The following WRN variants were observed in gnomAD, a reference collection of about 807,000 sequenced individuals.
WRN encodes bifunctional 3'-5' exonuclease/ATP-dependent helicase WRN.
Under a neutral mutation model 180.7 loss-of-function variants are expected in WRN, and 149 were observed. That is an observed-to-expected ratio of 0.82 (90% CI 0.72 to 0.94). The LOEUF is 0.94. Ranked by LOEUF, WRN falls within the 40% of genes least tolerant of loss-of-function variation. WRN has a pLI of 0.00. For missense variants in WRN, 1,661 were observed against 1,700.1 expected (o/e 0.98, Z 0.40); for synonymous variants, 548 against 568.9 (o/e 0.96, Z 0.52).
At chr8:31,110,729 C>T (rs912923021) in intron 18 of WRN, among the ~76,000 whole-genome samples, 4 of 151,942 alleles carry the variant, frequency 2.6e-5, no homozygotes, top group African/African-American at 4.8e-5. Context: ...GTATCTGTCA[C>T]GAGCCAAAAA....
intron 23 of WRN, among the ~76,000 whole-genome samples, chr8:31,131,160 C>CTTTCTTTTTTTTTTT (rs144507657): frequency 3.7e-5 from 4 of 106,840 alleles, no homozygotes; most frequent in South Asian, 3.1e-4. Flanking sequence ...TTGCAACTTT[C>CTTTCTTTTTTTTTTT]TTTTTTTTTG....
In WRN at chr8:31,125,105, A is replaced by G; in HGVS notation, c.2825+105A>G. The G allele has an allele frequency of 4.5e-6, 5 of 1,107,340 alleles. No homozygotes were observed. The South Asian group carries it at 5.4e-5, about 12-fold the overall frequency. The allele number at this position is 1,107,340 out of a possible 1,614,324, so 68.6% of individuals were successfully genotyped here. ...AATGATAAGTATTTCAGTTTTTTAA[A>G]CAAAACAATGAATGTGTTTAGATAT... is the stretch of plus-strand genomic sequence containing the variant. On this transcript the variant is annotated intron_variant, in intron 23 of 34. Coordinates refer to ENST00000298139, the MANE Select transcript of WRN (RefSeq NM_000553.6).
chr8:31,133,099 C>T (rs772117591), intron 24 of WRN, among the ~76,000 whole-genome samples: 1 of 152,028 alleles, frequency 6.6e-6, no homozygotes, highest in Non-Finnish European at 1.5e-5. Context: ...TTCTTCTAAA[C>T]AACCACGGGT....
At chr8:31,083,896 G>A in intron 10 of WRN, 117 bp downstream of exon 10, 1 of 1,093,028 alleles carries the variant, frequency 9.1e-7, no homozygotes, top group Non-Finnish European at 1.3e-6. Context: ...TACTAATTAT[G>A]TAACATTAGA....
At chr8:31,167,753 G>A (rs746558512) in intron 34 of WRN, among the ~76,000 whole-genome samples, 4 of 152,000 alleles carry the variant, frequency 2.6e-5, no homozygotes, top group Admixed American at 2.0e-4. Context: ...TAGATGGTAC[G>A]TTTTATTAAA....
At chr8:31,131,039 A>G (rs1316626534) in intron 23 of WRN, among the ~76,000 whole-genome samples, 1 of 152,172 alleles carries the variant, frequency 6.6e-6, no homozygotes, top group Non-Finnish European at 1.5e-5. Context: ...AAGAAAAGAA[A>G]AGCAATATGC....
intron 16 of WRN, 95 bp from the exon 17 acceptor site, chr8:31,096,673 A>G: frequency 9.9e-7 from 1 of 1,006,616 alleles, no homozygotes; most frequent in Non-Finnish European, 1.5e-6. Context: ...CTTGATTTTA[A>G]GTTGTAATTC....
chr8:31,096,660 T>A, intron 16 of WRN, 108 bp from the exon 17 acceptor site: 1 of 857,856 alleles, frequency 1.2e-6, no homozygotes, highest in Non-Finnish European at 1.8e-6. Flanking sequence ...TTTCATAAGG[T>A]ATCTTGATTT....
intron 24 of WRN, 35 bp from the exon 25 acceptor site, chr8:31,141,395 G>A (rs1195138623): frequency 6.2e-7 from 1 of 1,612,390 alleles, no homozygotes. Flanking sequence ...GTTTAAATTA[G>A]CATTTTTAGA....
chr8:31,162,021 CCT>C (rs1236830627), intron 33 of WRN, among the ~76,000 whole-genome samples: 1 of 151,888 alleles, frequency 6.6e-6, no homozygotes, highest in African/African-American at 2.4e-5. Flanking sequence ...CACACTCACC[CCT>C]GTGATACGAG....
At chr8:31,098,085 G>T (rs1486103593) in intron 17 of WRN, among the ~76,000 whole-genome samples, 1 of 152,056 alleles carries the variant, frequency 6.6e-6, no homozygotes, top group East Asian at 1.9e-4. Flanking sequence ...ACCAACAAAA[G>T]AATGAGGGCA....
At chr8:31,123,365 A>G (rs527320818) in intron 21 of WRN, among the ~76,000 whole-genome samples, 1 of 152,102 alleles carries the variant, frequency 6.6e-6, no homozygotes, top group Non-Finnish European at 1.5e-5. Flanking sequence ...TTTGGTTGGT[A>G]CTATTCTGCG....
intron 1 of WRN, among the ~76,000 whole-genome samples, chr8:31,036,109 T>C (rs1357407035): frequency 6.6e-6 from 1 of 152,248 alleles, no homozygotes; most frequent in Non-Finnish European, 1.5e-5. Context: ...AGTGAGAACA[T>C]GCGATATTTG....
intron 24 of WRN, among the ~76,000 whole-genome samples, chr8:31,137,570 C>G (rs1206963973): frequency 6.6e-6 from 1 of 151,932 alleles, no homozygotes; most frequent in Admixed American, 6.6e-5. Flanking sequence ...CAGCTGTTAA[C>G]TAATAAAAAG....
At chr8:31,055,022 C>T (rs1250695662) in intron 1 of WRN, among the ~76,000 whole-genome samples, 1 of 152,180 alleles carries the variant, frequency 6.6e-6, no homozygotes, top group Non-Finnish European at 1.5e-5. Context: ...GATTCCAGTT[C>T]CATCCATGTC....
intron 19 of WRN, among the ~76,000 whole-genome samples, chr8:31,113,307 T>C (rs1801389723): frequency 1.3e-5 from 2 of 152,108 alleles, no homozygotes; most frequent in South Asian, 2.1e-4. Context: ...GGAATATTGA[T>C]GCTAGGCCAA....
At chr8:31,083,495 T>A (rs929852242) in intron 9 of WRN, among the ~76,000 whole-genome samples, 1 of 152,098 alleles carries the variant, frequency 6.6e-6, no homozygotes, top group Non-Finnish European at 1.5e-5. Context: ...TATTTCTTTC[T>A]TTCTCTTTGG....
At chr8:31,147,165 G>A (rs1198845657) in intron 29 of WRN, 37 bp downstream of exon 29, 1 of 1,593,140 alleles carries the variant, frequency 6.3e-7, no homozygotes. Context: ...GTTTATGATA[G>A]GATAGTTATG....
Position 31,147,351 on chromosome 8 carries a change from G to T in WRN, c.3460-13G>T, listed in dbSNP as rs781350778. 5.6e-6 allele frequency: 9 copies of T among 1,612,132 alleles called. No individual in the cohort carries two copies. Among genetic ancestry groups the T allele is most frequent in the Non-Finnish European group, 7.6e-6 (9 of 1,178,446 alleles). ...ACACTTTAAAAAGTGTTGTTTCTTT[G>T]TTTTTTGTTCAGATTGTGTTATATG... On this transcript the variant is annotated splice_polypyrimidine_tract_variant and intron_variant, in intron 29 of 34. Coordinates refer to ENST00000298139, the MANE Select transcript of WRN (RefSeq NM_000553.6).
Sources: gnomAD v4.1 joint callset for allele counts (sites outside exome capture counted in the v4.1 genomes callset) on GRCh38, gnomAD v4.1.1 for gene constraint, MANE v1.5 for transcripts, NCBI Gene and HGNC (gene_info 2026-07-23, HGNC 2026-07-21) for gene names.